The following SYT16 variants were observed in gnomAD, a reference collection of about 807,000 sequenced individuals.
SYT16 encodes synaptotagmin 16.
Under a neutral mutation model 61.4 loss-of-function variants are expected in SYT16, and 42 were observed. The ratio of observed to expected loss-of-function variants is 0.68; its 90% CI spans 0.53 to 0.89. SYT16 has a LOEUF of 0.89. SYT16 is among the 40% of genes least tolerant of loss of function. The probability of loss-of-function intolerance (pLI) is 0.00; values close to 1 mark genes in which losing one functional copy is unlikely to be tolerated. For synonymous variants in SYT16, 314 were observed against 302.3 expected, an observed-to-expected ratio of 1.04 and a Z score of -0.40; for missense variants, 804 against 807.3, an observed-to-expected ratio of 1.00 and a Z score of 0.05.
chr14:62,022,558 C>T (rs2053951168), intron 3 of SYT16, among the ~76,000 whole-genome samples: 1 of 151,618 alleles, frequency 6.6e-6, no homozygotes, highest in Non-Finnish European at 1.5e-5. Context: ...AATTTTTGGC[C>T]CCTATTTCTT....
intron 1 of SYT16, among the ~76,000 whole-genome samples, chr14:61,904,378 A>G (rs1287835120): frequency 6.6e-6 from 1 of 152,224 alleles, no homozygotes; most frequent in Admixed American, 6.5e-5. Context: ...GGGCCTCGGC[A>G]GGAGCAGCTC....
intron 1 of SYT16, among the ~76,000 whole-genome samples, chr14:61,849,149 G>C (rs538571337): frequency 1.5e-4 from 23 of 152,160 alleles, no homozygotes; most frequent in Non-Finnish European, 2.5e-4. Flanking sequence ...ACTCTGTCTT[G>C]TGCCCTATCC....
chr14:61,824,996 A>AAC (rs1384464389), intron 1 of SYT16, among the ~76,000 whole-genome samples: 1 of 152,260 alleles, frequency 6.6e-6, no homozygotes, highest in Non-Finnish European at 1.5e-5. Context: ...CAGTAAATAA[A>AAC]ACAAAAACTA....
chr14:61,831,879 C>A, intron 1 of SYT16: 1 of 470,140 alleles, frequency 2.1e-6, no homozygotes, highest in South Asian at 2.1e-5. Context: ...TCCACTCGTT[C>A]TTGTCATAGT....
At chr14:61,902,319 T>G (rs113203567) in intron 1 of SYT16, among the ~76,000 whole-genome samples, 16 of 152,332 alleles carry the variant, frequency 1.1e-4, no homozygotes, top group Middle Eastern at 3.4e-3. Flanking sequence ...AAGACCTTCA[T>G]GTTTGACTTC....
At chr14:61,932,510 C>T (rs750472879) in intron 1 of SYT16, among the ~76,000 whole-genome samples, 2 of 152,088 alleles carry the variant, frequency 1.3e-5, no homozygotes, top group African/African-American at 2.4e-5. Flanking sequence ...ACTATTAAAC[C>T]TTATAAAACC....
chr14:62,038,915 G>T (rs1305138989), intron 3 of SYT16, among the ~76,000 whole-genome samples: 1 of 152,196 alleles, frequency 6.6e-6, no homozygotes, highest in Non-Finnish European at 1.5e-5. Context: ...GTTGCGTAGA[G>T]TTCTTTTGTG....
chr14:61,845,718 A>C (rs373736198), intron 1 of SYT16, among the ~76,000 whole-genome samples: 2 of 151,898 alleles, frequency 1.3e-5, no homozygotes, highest in South Asian at 4.2e-4. Flanking sequence ...TTCTTCTACT[A>C]ATTTTGGGTT....
At chr14:61,998,483 A>T (rs993606351) in intron 3 of SYT16, among the ~76,000 whole-genome samples, 4 of 151,936 alleles carry the variant, frequency 2.6e-5, no homozygotes, top group Admixed American at 2.0e-4. Context: ...TTCACCTACC[A>T]TAACGCGTTT....
chr14:61,909,440 T>C (rs1334603189), intron 1 of SYT16, among the ~76,000 whole-genome samples: 1 of 152,176 alleles, frequency 6.6e-6, no homozygotes, highest in African/African-American at 2.4e-5. Context: ...TTGCCTCCCC[T>C]TATGGCTCCA....
Position 62,080,969 on chromosome 14 carries a change from C to A in SYT16, c.1129C>A (p.Leu377Ile). The change falls in exon 6 of 8, where the codon CTC becomes ATC. Residue 377 changes from leucine (L) to isoleucine (I), a missense_variant. Transcript: ENST00000683842. ...LTVTIVRAQG[L>I]PDKDRSGVNS... ...AGTGACCATTGTGAGGGCACAGGGCCTCCCAGATAAGGACCGAAGTGGTGT... is the reference window on the plus strand; with the variant it reads ...AGTGACCATTGTGAGGGCACAGGGCATCCCAGATAAGGACCGAAGTGGTGT... 2 of 1,612,828 alleles carry A rather than the reference C, an allele frequency of 1.2e-6. No individual in the cohort carries two copies. The highest frequency in any genetic ancestry group is 2.2e-5 in the South Asian group (2 of 90,760).
intron 3 of SYT16, among the ~76,000 whole-genome samples, chr14:62,046,567 TA>T (rs1386539147): frequency 1.3e-5 from 2 of 152,242 alleles, no homozygotes; most frequent in Non-Finnish European, 2.9e-5. Context: ...GGTTTTCTTC[TA>T]GGGTTTTTAT....
chr14:62,043,285 T>C (rs1322747016), intron 3 of SYT16, among the ~76,000 whole-genome samples: 1 of 152,166 alleles, frequency 6.6e-6, no homozygotes, highest in African/African-American at 2.4e-5. Flanking sequence ...TGCTAAAGTT[T>C]CGCTATCGAC....
At chr14:61,858,952 T>G (rs59705753) in intron 1 of SYT16, among the ~76,000 whole-genome samples, 5,937 of 151,438 alleles carry the variant, frequency 0.039, 403 homozygotes, top group African/African-American at 0.14. Flanking sequence ...CCTCCTGGGT[T>G]CACGCCATTC....
chr14:61,815,213 G>C (rs923816253), intron 1 of SYT16, among the ~76,000 whole-genome samples: 1 of 152,172 alleles, frequency 6.6e-6, no homozygotes, highest in Non-Finnish European at 1.5e-5. Context: ...CTGTTCCTCT[G>C]TCCTTCTCCT....
At chr14:61,903,786 TA>T (rs1594874678) in intron 1 of SYT16, among the ~76,000 whole-genome samples, 3 of 152,240 alleles carry the variant, frequency 2.0e-5, no homozygotes, top group African/African-American at 7.2e-5. Context: ...GTTGTTTAAA[TA>T]AATTCATAAG....
intron 1 of SYT16, among the ~76,000 whole-genome samples, chr14:61,899,277 T>C (rs567871756): frequency 6.6e-6 from 1 of 152,278 alleles, no homozygotes; most frequent in African/African-American, 2.4e-5. Flanking sequence ...ATTTGCTCCA[T>C]GTACCCTGAA....
rs571915137 is a variant in SYT16, at chr14:61,917,142, G to A, written c.-324-52990G>A. 1.2e-4 allele frequency among the ~76,000 whole-genome samples: 18 copies of A among 152,246 alleles called. No homozygotes were observed. The South Asian group carries it at 3.5e-3, about 30-fold the overall frequency. On this transcript the variant is annotated intron_variant, in intron 1 of 7. Transcript: ENST00000683842. Reference sequence around the variant, plus strand: ...TGCTGGATCATATGGTAGGTCTGTAGTTTTTTGAAGAACCTCCATAATGAG... The same window carrying A: ...TGCTGGATCATATGGTAGGTCTGTAATTTTTTGAAGAACCTCCATAATGAG...
intron 7 of SYT16, among the ~76,000 whole-genome samples, chr14:62,086,110 C>T (rs749231474): frequency 1.2e-4 from 18 of 152,088 alleles, no homozygotes; most frequent in South Asian, 6.2e-4. Context: ...GGTACATCAT[C>T]GTGCTTGAGA....
Sources: gnomAD v4.1 joint callset for allele counts (sites outside exome capture counted in the v4.1 genomes callset) on GRCh38, gnomAD v4.1.1 for gene constraint, MANE v1.5 for transcripts, NCBI Gene and HGNC (gene_info 2026-07-23, HGNC 2026-07-21) for gene names.